SMC1B: variants seen among roughly 807,000 people sequenced by gnomAD.
SMC1B encodes the protein structural maintenance of chromosomes protein 1B.
A neutral mutation model predicts 157.9 loss-of-function variants in SMC1B; 60 were observed. The ratio of observed to expected loss-of-function variants is 0.38; its 90% confidence interval spans 0.31 to 0.47. SMC1B has a LOEUF of 0.47. Among genes scored for constraint, SMC1B ranks in the 20% least tolerant of loss-of-function variants. The probability of loss-of-function intolerance (pLI) is 0.99; values close to 1 mark genes in which losing one functional copy is unlikely to be tolerated. For missense variants in SMC1B, 1,165 were observed against 1,426.2 expected, an observed-to-expected ratio of 0.82 and a Z score of 2.95; for synonymous variants, 445 against 483.0, an observed-to-expected ratio of 0.92 and a Z score of 1.03.
At chr22:45,382,910 G>T (rs1298751906) in intron 12 of SMC1B, among the ~76,000 whole-genome samples, 1 of 152,152 alleles carries the variant, frequency 6.6e-6, no homozygotes, top group Non-Finnish European at 1.5e-5. Flanking sequence ...AAGGCAGGCG[G>T]ATCAACTGAG....
chr22:45,405,350 G>A (rs2146851969), intron 4 of SMC1B, among the ~76,000 whole-genome samples: 1 of 152,044 alleles, frequency 6.6e-6, no homozygotes, highest in Middle Eastern at 3.4e-3. Flanking sequence ...CACGAGGTCA[G>A]GAGAATGAGA....
intron 9 of SMC1B, among the ~76,000 whole-genome samples, chr22:45,390,603 G>C (rs2087046771): frequency 6.6e-6 from 1 of 152,096 alleles, no homozygotes; most frequent in South Asian, 2.1e-4. Flanking sequence ...TGCTCGGGAG[G>C]CTGAGGCAGG....
chr22:45,352,922 A>C (rs1234124161), intron 21 of SMC1B, among the ~76,000 whole-genome samples: 1 of 152,204 alleles, frequency 6.6e-6, no homozygotes, highest in African/African-American at 2.4e-5. Context: ...CGTTCATCAA[A>C]CATGTACTGA....
intron 12 of SMC1B, among the ~76,000 whole-genome samples, chr22:45,382,096 AT>A (rs1370651161): frequency 6.6e-6 from 1 of 152,238 alleles, no homozygotes; most frequent in Non-Finnish European, 1.5e-5. Context: ...AAAAATATAA[AT>A]GTTAAAAACA....
At position 45,412,199 on chromosome 22, in the gene SMC1B, C is replaced by CTTATT. The variant is rs542894898; in HGVS notation, c.109+1255_109+1259dup. Among the ~76,000 whole-genome samples the CTTATT allele has an allele frequency of 1.9e-3, 276 of 143,888 alleles. 3 individuals carry two copies. Among genetic ancestry groups the CTTATT allele is most frequent in the African/African-American group, 6.6e-3 (257 of 38,908 alleles). The allele number at this position is 143,888 out of a possible 152,430, so 94.4% of individuals were successfully genotyped here. A position where few individuals can be genotyped will look rare whatever the true frequency, so the allele number is the denominator to read the frequency against. On this transcript the variant is annotated intron_variant, in intron 1 of 24. Coordinates refer to ENST00000357450, the MANE Select transcript of SMC1B (RefSeq NM_148674.5). ...CCGGCCAATTTTATTTTATATTTAT[C>CTTATT]TTATTTTATTTTATTTTAGAGTCGA...
At chr22:45,376,712 T>C (rs192707091) in intron 12 of SMC1B, among the ~76,000 whole-genome samples, 5,515 of 114,524 alleles carry the variant, frequency 0.048, 229 homozygotes, top group African/African-American at 0.13. Context: ...TGGCATTAAA[T>C]ATAGTTTTTT....
chr22:45,403,318 G>A (rs531513584), intron 4 of SMC1B, among the ~76,000 whole-genome samples: 6 of 152,172 alleles, frequency 3.9e-5, no homozygotes, highest in African/African-American at 9.7e-5. Context: ...TGAAGACACA[G>A]AGAAACATCA....
At chr22:45,407,610 G>A (rs1027266130) in intron 2 of SMC1B, among the ~76,000 whole-genome samples, 3 of 151,854 alleles carry the variant, frequency 2.0e-5, no homozygotes, top group Non-Finnish European at 2.9e-5. Context: ...ATAGACTCAC[G>A]CTACCACACA....
intron 15 of SMC1B, among the ~76,000 whole-genome samples, chr22:45,364,035 GAC>G (rs2061421830): frequency 6.6e-6 from 1 of 152,024 alleles, no homozygotes; most frequent in South Asian, 2.1e-4. Flanking sequence ...TTTTAATAGA[GAC>G]AGGGTTTCGC....
Position 45,394,693 on chromosome 22 carries a change from C to A in SMC1B, c.1329G>T (p.Lys443Asn). The change falls in exon 8 of 25, where the codon AAG becomes AAT. Residue 443 changes from lysine (K) to asparagine (N), a missense_variant. Coordinates refer to ENST00000357450, the MANE Select transcript of SMC1B (RefSeq NM_148674.5). Reference sequence around the variant, plus strand: ...TTTTTTACTCTACCTACATGCATGTCTTTGTATACTCCTCTAACTTCTCTA... The same window carrying A: ...TTTTTTACTCTACCTACATGCATGTATTTGTATACTCCTCTAACTTCTCTA... ...KRIEKLEEYTKTCMDCLKEKK... is the reference protein window; with the variant it reads ...KRIEKLEEYTNTCMDCLKEKK... 6.4e-7 allele frequency: 1 copy of A among 1,553,768 alleles called. No homozygotes were observed. Among genetic ancestry groups the A allele is most frequent in the Non-Finnish European group, 8.7e-7 (1 of 1,145,876 alleles).
Position 45,386,749 on chromosome 22 carries a change from CTT to C in SMC1B, c.1911+116_1911+117del, listed in dbSNP as rs1029812748. 1.2e-5 allele frequency: 11 copies of C among 893,970 alleles called. No individual in the cohort carries two copies. In the African/African-American group the frequency reaches 1.7e-4, roughly 14 times the overall value. The allele number at this position is 893,970 out of a possible 1,614,324, so 55.4% of individuals were successfully genotyped here. ...CCACCTTAGGTTCTATGTTGGTTCT[CTT>C]TAGAAAAAAGAACACATAAAACGCA... On this transcript the variant is annotated intron_variant, in intron 11 of 24. Transcript: ENST00000357450.
chr22:45,344,890 G>A (rs1473958048), intron 24 of SMC1B, among the ~76,000 whole-genome samples: 1 of 152,122 alleles, frequency 6.6e-6, no homozygotes, highest in African/African-American at 2.4e-5. Flanking sequence ...GCACAGGAAG[G>A]TAAATTTTTA....
At chr22:45,405,639 T>C (rs944011285) in intron 4 of SMC1B, among the ~76,000 whole-genome samples, 1 of 152,138 alleles carries the variant, frequency 6.6e-6, no homozygotes, top group African/African-American at 2.4e-5. Context: ...TCACTTTAAC[T>C]ACAACTGAAG....
Position 45,413,469 on chromosome 22 carries a change from G to C in SMC1B, c.99C>G (p.Pro33=). Residue 33 remains proline, a synonymous_variant, in exon 1 of 25, where the codon CCC becomes CCG. Coordinates refer to ENST00000357450, the MANE Select transcript of SMC1B (RefSeq NM_148674.5). The stretch of plus-strand genomic sequence containing the variant: ...GAGCTGCTCAGTTACCAGAGCCGTT[G>C]GGGCCGATGATGCAGGTGAACCTCC... ...PFRRFTCIIG[P]NGSGKSNVMD... 6.2e-7 allele frequency: 1 copy of C among 1,607,928 alleles called. No homozygotes were observed. The highest frequency in any genetic ancestry group is 8.5e-7 in the Non-Finnish European group (1 of 1,177,240).
intron 7 of SMC1B, among the ~76,000 whole-genome samples, chr22:45,395,798 A>G (rs1455475613): frequency 1.3e-5 from 2 of 152,232 alleles, no homozygotes; most frequent in African/African-American, 2.4e-5. Flanking sequence ...CGGAGGTTGT[A>G]GTGAACCGAG....
rs1044231360 is a variant in SMC1B at position 45,380,407 on chromosome 22, T to C, written c.2058+3060A>G. 2.6e-5 allele frequency among the ~76,000 whole-genome samples: 4 copies of C among 152,304 alleles called. No homozygotes were observed. In the East Asian group the frequency reaches 5.8e-4, roughly 22 times the overall value. On this transcript the variant is annotated intron_variant, in intron 12 of 24. Transcript: ENST00000357450. ...AGAAATTTTCTTGTTTTTAATTTTC[T>C]CCTTCTCTATGTTCTTTTCCTCCTT...
rs201723445 is a variant in SMC1B, at chr22:45,346,286, T to TTA, written c.3496-719_3496-718dup. On this transcript the variant is annotated intron_variant, in intron 23 of 24. Coordinates refer to ENST00000357450, the MANE Select transcript of SMC1B (RefSeq NM_148674.5). ...CAGCCTGAAAGGAAAAACAGGGCAATTATATATGTATTCGTAATCCATAAT... is the reference window on the plus strand; with the variant it reads ...CAGCCTGAAAGGAAAAACAGGGCAATTATATATATGTATTCGTAATCCATAAT... Among the ~76,000 whole-genome samples, 3 of 152,208 alleles carry TTA rather than the reference T, an allele frequency of 2.0e-5. No homozygotes were observed. In the East Asian group the frequency reaches 5.8e-4, roughly 29 times the overall value.
chr22:45,380,126 A>T (rs974317253), intron 12 of SMC1B, among the ~76,000 whole-genome samples: 1 of 152,182 alleles, frequency 6.6e-6, no homozygotes, highest in African/African-American at 2.4e-5. Context: ...CGAAAGGTAA[A>T]TAATATCTTG....
At chr22:45,395,122 A>C (rs929512316) in intron 7 of SMC1B, among the ~76,000 whole-genome samples, 1 of 152,220 alleles carries the variant, frequency 6.6e-6, no homozygotes, top group African/African-American at 2.4e-5. Context: ...TTCACTGGCT[A>C]CCATGTGATA....
Sources: allele counts gnomAD v4.1 joint callset (sites outside exome capture counted in the v4.1 genomes callset), GRCh38; gene constraint gnomAD v4.1.1; transcripts MANE v1.5; gene names NCBI Gene and HGNC (gene_info 2026-07-23, HGNC 2026-07-21).